The following PITPNC1 variants were observed in gnomAD, a reference collection of about 807,000 sequenced individuals.
The protein encoded by PITPNC1 is phosphatidylinositol transfer protein cytoplasmic 1, also known as cytoplasmic phosphatidylinositol transfer protein 1.
In PITPNC1, 18 loss-of-function variants were observed where a neutral mutation model predicts 44.7. The observed-to-expected ratio is 0.40, with a 90% CI of 0.28 to 0.60. PITPNC1 has a LOEUF of 0.60. Among genes scored for constraint, PITPNC1 ranks in the 20% least tolerant of loss-of-function variants. PITPNC1 has a pLI of 0.39. For synonymous variants in PITPNC1, 141 were observed against 149.6 expected (o/e 0.94, Z 0.42); for missense variants, 290 against 418.4 (o/e 0.69, Z 2.68).
intron 5 of PITPNC1, among the ~76,000 whole-genome samples, chr17:67,598,312 T>A (rs577995970): frequency 6.6e-6 from 1 of 152,312 alleles, no homozygotes; most frequent in African/African-American, 2.4e-5. Flanking sequence ...CTAGTTAGGA[T>A]GGAGCAATTA....
At chr17:67,643,853 T>G (rs1204682503) in intron 6 of PITPNC1, among the ~76,000 whole-genome samples, 1 of 152,164 alleles carries the variant, frequency 6.6e-6, no homozygotes, top group Admixed American at 6.5e-5. Context: ...GCTCTGCAGA[T>G]GGGTTGCAGG....
chr17:67,539,448 C>T (rs1408369705), intron 2 of PITPNC1, among the ~76,000 whole-genome samples: 2 of 152,168 alleles, frequency 1.3e-5, no homozygotes, highest in South Asian at 4.1e-4. Context: ...GGCACATTCA[C>T]GTAATGGAAA....
chr17:67,429,817 C>T (rs1429045077), intron 1 of PITPNC1, among the ~76,000 whole-genome samples: 1 of 151,988 alleles, frequency 6.6e-6, no homozygotes, highest in Non-Finnish European at 1.5e-5. Flanking sequence ...GTCAAAATAT[C>T]CTTTCTTTTC....
At chr17:67,457,117 C>T (rs1170349947) in intron 1 of PITPNC1, 16 of 152,154 alleles carry the variant, frequency 1.1e-4, no homozygotes. Flanking sequence ...TTCACCCCTC[C>T]TTAGGCAGCC....
At chr17:67,545,624 T>G (rs914220649) in intron 2 of PITPNC1, among the ~76,000 whole-genome samples, 1 of 152,158 alleles carries the variant, frequency 6.6e-6, no homozygotes, top group Non-Finnish European at 1.5e-5. Flanking sequence ...TATTCATTTA[T>G]TTTTATTTTT....
At chr17:67,553,641 A>G in intron 4 of PITPNC1, 24 bp downstream of exon 4, 1 of 1,082,548 alleles carries the variant, frequency 9.2e-7, no homozygotes, top group South Asian at 1.7e-5. Context: ...AATTATTTTT[A>G]AACATTCTGT....
rs1191296746 is a variant in PITPNC1, at chr17:67,575,795, CTTCTTTCT to C, written c.295-2371_295-2364del. 2.2e-4 allele frequency among the ~76,000 whole-genome samples: 29 copies of C among 131,026 alleles called. 1 individual carries two copies. Among genetic ancestry groups the C allele is most frequent in the Non-Finnish European group, 2.5e-4 (16 of 63,970 alleles). 86.0% of individuals were successfully genotyped at this position (131,026 alleles called of 152,430 possible). A position where few individuals can be genotyped will look rare whatever the true frequency, so the allele number is the denominator to read the frequency against. On this transcript the variant is annotated intron_variant, in intron 4 of 8. Transcript: ENST00000581322. Reference sequence around the variant, plus strand: ...TTTCTTTCTTTCTTTTCTTTCTTTCCTTCTTTCTTTCTTTCTTTCTTTCTTTCCTTCCT... The same window carrying C: ...TTTCTTTCTTTCTTTTCTTTCTTTCCTTCTTTCTTTCTTTCTTTCCTTCCT...
intron 1 of PITPNC1, among the ~76,000 whole-genome samples, chr17:67,513,127 G>T (rs1291239037): frequency 6.6e-6 from 1 of 152,108 alleles, no homozygotes; most frequent in Non-Finnish European, 1.5e-5. Flanking sequence ...ACTTAGGGAG[G>T]CCGAGGCAGA....
chr17:67,599,019 T>C (rs1273317582), intron 5 of PITPNC1, among the ~76,000 whole-genome samples: 2 of 37,358 alleles, frequency 5.4e-5, no homozygotes, highest in Admixed American at 2.5e-4. Context: ...TATATATATA[T>C]ATATATATAT....
At chr17:67,583,005 C>G (rs2041256128) in intron 5 of PITPNC1, among the ~76,000 whole-genome samples, 1 of 152,212 alleles carries the variant, frequency 6.6e-6, no homozygotes, top group Non-Finnish European at 1.5e-5. Flanking sequence ...TGGTTCCCAG[C>G]CTTGGCTGCA....
intron 1 of PITPNC1, among the ~76,000 whole-genome samples, chr17:67,390,664 GTC>G (rs113319409): frequency 3.3e-4 from 50 of 152,234 alleles, no homozygotes; most frequent in African/African-American, 1.1e-3. Flanking sequence ...TCTCAATAGT[GTC>G]TGTCTAGGAT....
intron 2 of PITPNC1, among the ~76,000 whole-genome samples, chr17:67,546,266 CATA>C (rs1198151422): frequency 2.2e-5 from 3 of 139,358 alleles, no homozygotes; most frequent in Non-Finnish European, 4.5e-5. Flanking sequence ...ATGTATATTA[CATA>C]TTATTTATAT....
rs368543009 is a variant in PITPNC1 at position 67,490,362 on chromosome 17, G to GTT, written c.49-42432_49-42431dup. 2.8e-3 allele frequency among the ~76,000 whole-genome samples: 414 copies of GTT among 150,456 alleles called. 2 individuals carry two copies. Among genetic ancestry groups the GTT allele is most frequent in the Non-Finnish European group, 3.6e-3 (244 of 67,592 alleles). On this transcript the variant is annotated intron_variant, in intron 1 of 8. Coordinates refer to ENST00000581322, the MANE Select transcript of PITPNC1 (RefSeq NM_012417.4). ...TTGTTGGTTTTTTGTTTTTTGTTTTGTTTTTTTTTAAATCTTGGCTTTAAA... is the reference window on the plus strand; with the variant it reads ...TTGTTGGTTTTTTGTTTTTTGTTTTGTTTTTTTTTTTAAATCTTGGCTTTAAA...
chr17:67,689,692 C>CT (rs2042885366), intron 8 of PITPNC1, among the ~76,000 whole-genome samples: 1 of 152,202 alleles, frequency 6.6e-6, no homozygotes, highest in Non-Finnish European at 1.5e-5. Flanking sequence ...ACGGGAACTT[C>CT]TAAGAGCCTC....
intron 1 of PITPNC1, among the ~76,000 whole-genome samples, chr17:67,482,613 AT>A (rs1468155936): frequency 2.0e-5 from 3 of 152,170 alleles, no homozygotes; most frequent in African/African-American, 7.2e-5. Flanking sequence ...TGGAATCCAC[AT>A]TTGGTATTTC....
chr17:67,683,091 C>T (rs2042741862), intron 8 of PITPNC1, among the ~76,000 whole-genome samples: 1 of 146,936 alleles, frequency 6.8e-6, no homozygotes, highest in African/African-American at 2.6e-5. Flanking sequence ...ACCCGGAAGG[C>T]CGAGTTTGTG....
At chr17:67,690,632 C>T (rs893942546) in intron 8 of PITPNC1, among the ~76,000 whole-genome samples, 1 of 151,978 alleles carries the variant, frequency 6.6e-6, no homozygotes, top group African/African-American at 2.4e-5. Flanking sequence ...AAAAATGGGT[C>T]TCTGGGGGGC....
intron 1 of PITPNC1, among the ~76,000 whole-genome samples, chr17:67,433,616 C>G (rs2038890990): frequency 6.6e-6 from 1 of 152,088 alleles, no homozygotes; most frequent in African/African-American, 2.4e-5. Context: ...GAGGCTGAGG[C>G]AGAAGGATCG....
chr17:67,482,561 C>T (rs1393486488), intron 1 of PITPNC1, among the ~76,000 whole-genome samples: 1 of 152,122 alleles, frequency 6.6e-6, no homozygotes, highest in Admixed American at 6.5e-5. Flanking sequence ...AGATTTTGAC[C>T]TCTTCTTTAA....
Sources: allele counts gnomAD v4.1 joint callset (sites outside exome capture counted in the v4.1 genomes callset), GRCh38; gene constraint gnomAD v4.1.1; transcripts MANE v1.5; gene names NCBI Gene and HGNC (gene_info 2026-07-23, HGNC 2026-07-21).